Variants in PTPRN2 observed in about 807,000 individuals in gnomAD.
The protein encoded by PTPRN2 is protein tyrosine phosphatase receptor type N2, also known as receptor-type tyrosine-protein phosphatase N2.
Under a neutral mutation model 118.8 loss-of-function variants are expected in PTPRN2, and 74 were observed. The ratio of observed to expected loss-of-function variants is 0.62; its 90% confidence interval spans 0.52 to 0.76. The LOEUF (loss-of-function observed/expected upper bound fraction) is 0.76, where lower values mean the gene tolerates loss of function less well. Ranked by LOEUF, PTPRN2 falls within the 30% of genes least tolerant of loss-of-function variation. The pLI, the probability that PTPRN2 is intolerant of heterozygous loss-of-function variation, is 0.00. For missense variants in PTPRN2, 1,481 were observed against 1,394.4 expected, an observed-to-expected ratio of 1.06 and a Z score of -0.99; for synonymous variants, 641 against 608.0, an observed-to-expected ratio of 1.05 and a Z score of -0.80.
At chr7:158,337,761 C>G (rs1215900481) in intron 2 of PTPRN2, among the ~76,000 whole-genome samples, 1 of 115,764 alleles carries the variant, frequency 8.6e-6, no homozygotes, top group Non-Finnish European at 1.8e-5. Context: ...TAAGAGGTGA[C>G]ACCTGCAAAC....
intron 12 of PTPRN2, among the ~76,000 whole-genome samples, chr7:157,818,767 C>G (rs188256577): frequency 2.6e-5 from 4 of 152,154 alleles, no homozygotes; most frequent in Non-Finnish European, 5.9e-5. Flanking sequence ...AAATGTAAAA[C>G]ATAAATGCTT....
At chr7:157,702,350 G>A (rs1416839652) in intron 12 of PTPRN2, among the ~76,000 whole-genome samples, 1 of 152,192 alleles carries the variant, frequency 6.6e-6, no homozygotes, top group Non-Finnish European at 1.5e-5. Context: ...CGGTGCTGGT[G>A]TAACTATGAG....
chr7:157,765,260 TCATC>T (rs1418671849), intron 12 of PTPRN2, among the ~76,000 whole-genome samples: 1 of 141,364 alleles, frequency 7.1e-6, no homozygotes, highest in Admixed American at 7.1e-5. Context: ...CTGTCATTCA[TCATC>T]CATTCTTCCT....
intron 2 of PTPRN2, among the ~76,000 whole-genome samples, chr7:158,447,549 G>A (rs527624345): frequency 4.9e-4 from 75 of 152,310 alleles, no homozygotes; most frequent in African/African-American, 1.8e-3. Context: ...TGCCCACGCG[G>A]CCCGATAAGG....
Position 157,845,117 on chromosome 7 carries a change from G to A in PTPRN2, c.1788+53556C>T, listed in dbSNP as rs563246263. On this transcript the variant is annotated intron_variant, in intron 12 of 22. Coordinates refer to ENST00000389418, the MANE Select transcript of PTPRN2 (RefSeq NM_002847.5). This position sits in a 1 kb window ranked among gnomAD's most constrained non-coding sequence, Gnocchi z 4.5. ...CACAGGGACGCAGCCCTGACCTCAC[G>A]TTGGTCCACGACGGGCAGAGAGCAA... Among the ~76,000 whole-genome samples the A allele has an allele frequency of 2.6e-5, 4 of 152,296 alleles. No homozygotes were observed. Among genetic ancestry groups the A allele is most frequent in the East Asian group, 1.9e-4 (1 of 5,184 alleles).
chr7:158,135,969 G>A (rs953326080), intron 8 of PTPRN2, among the ~76,000 whole-genome samples: 3 of 152,202 alleles, frequency 2.0e-5, no homozygotes, highest in African/African-American at 7.2e-5. Flanking sequence ...TTCTTAAAGG[G>A]AGAGAAACTA....
intron 9 of PTPRN2, among the ~76,000 whole-genome samples, chr7:158,131,150 A>T (rs1003975413): frequency 8.5e-4 from 16 of 18,868 alleles, no homozygotes; most frequent in Non-Finnish European, 9.7e-4. Flanking sequence ...ATACACACAC[A>T]AATACCCGAA....
chr7:158,296,680 C>A (rs991397937), intron 3 of PTPRN2, among the ~76,000 whole-genome samples: 2 of 152,232 alleles, frequency 1.3e-5, no homozygotes, highest in Non-Finnish European at 2.9e-5. Context: ...TGCTCCCCTG[C>A]AGGTGGGAGC....
intron 4 of PTPRN2, among the ~76,000 whole-genome samples, chr7:158,202,416 G>A (rs1182528925): frequency 6.6e-6 from 1 of 152,128 alleles, no homozygotes; most frequent in African/African-American, 2.4e-5. Flanking sequence ...GTCAGCAGGA[G>A]GGACAGCATG....
chr7:158,510,443 A>ACTCT (rs10581746), intron 1 of PTPRN2, among the ~76,000 whole-genome samples: 26 of 147,534 alleles, frequency 1.8e-4, no homozygotes, highest in African/African-American at 6.0e-4. Context: ...GTGTGTGTTT[A>ACTCT]CTCTCTCTCT....
chr7:157,670,261 C>A (rs1401591706), intron 13 of PTPRN2, among the ~76,000 whole-genome samples: 1 of 152,162 alleles, frequency 6.6e-6, no homozygotes, highest in Admixed American at 6.5e-5. Flanking sequence ...ACGGGACCCG[C>A]GGTCAGCTGC....
At chr7:158,346,615 C>T (rs1393190737) in intron 2 of PTPRN2, among the ~76,000 whole-genome samples, 1 of 152,080 alleles carries the variant, frequency 6.6e-6, no homozygotes, top group East Asian at 1.9e-4. Flanking sequence ...GCTGATTTTA[C>T]TTCCTTTGGA....
chr7:158,165,006 A>G (rs536996473), intron 6 of PTPRN2, among the ~76,000 whole-genome samples: 16 of 152,342 alleles, frequency 1.1e-4, no homozygotes, highest in African/African-American at 3.4e-4. Context: ...GACCTACGAG[A>G]GTGCAGGAGG....
In PTPRN2 at chr7:158,573,367, T is replaced by A. The variant is rs559315123; in HGVS notation, c.112+14191A>T. The stretch of plus-strand genomic sequence containing the variant: ...AAGTCAAACAATTTTCAGAAAAAGA[T>A]TATGTTACTTGTGAAAAGTCATTCG... On this transcript the variant is annotated intron_variant, in intron 1 of 22. Coordinates refer to ENST00000389418, the MANE Select transcript of PTPRN2 (RefSeq NM_002847.5). Among the ~76,000 whole-genome samples, 8 of 152,298 alleles carry A rather than the reference T, an allele frequency of 5.3e-5. No individual in the cohort carries two copies. In the South Asian group the frequency reaches 1.5e-3, roughly 28 times the overall value.
intron 12 of PTPRN2, among the ~76,000 whole-genome samples, chr7:157,815,111 G>A (rs896655056): frequency 2.0e-5 from 3 of 152,340 alleles, no homozygotes; most frequent in Admixed American, 6.5e-5. Flanking sequence ...AGCAGGCTCC[G>A]GCTGCTGGGC....
In PTPRN2 at chr7:158,033,752, T is replaced by G. The variant is rs9638117; in HGVS notation, c.1723+47546A>C. On this transcript the variant is annotated intron_variant, in intron 11 of 22. Transcript: ENST00000389418. ...TGAGACCTCGATAGAAACTCTGCAC[T>G]CTGAGACCCGGGTGCACATCCCTGG... 5.4e-4 allele frequency among the ~76,000 whole-genome samples: 78 copies of G among 144,320 alleles called. No individual in the cohort carries two copies. The East Asian group carries it at 0.014, about 26-fold the overall frequency. 94.7% of individuals were successfully genotyped at this position (144,320 alleles called of 152,430 possible).
At chr7:158,549,639 CT>C (rs1451754286) in intron 1 of PTPRN2, among the ~76,000 whole-genome samples, 2 of 152,246 alleles carry the variant, frequency 1.3e-5, no homozygotes, top group African/African-American at 4.8e-5. Flanking sequence ...CCAGGGCTCG[CT>C]CCAAACGCTG....
At chr7:158,432,114 C>T (rs892955322) in intron 2 of PTPRN2, among the ~76,000 whole-genome samples, 1 of 152,228 alleles carries the variant, frequency 6.6e-6, no homozygotes, top group Non-Finnish European at 1.5e-5. Context: ...CACGGGATGC[C>T]TTGTCCAGGG....
chr7:158,345,916 T>C (rs1327225915), intron 2 of PTPRN2, among the ~76,000 whole-genome samples: 1 of 152,040 alleles, frequency 6.6e-6, no homozygotes, highest in African/African-American at 2.4e-5. Context: ...TCAGCTCTCA[T>C]GAGAACTCCC....
Sources: gnomAD v4.1 joint callset for allele counts (sites outside exome capture counted in the v4.1 genomes callset) on GRCh38, gnomAD v4.1.1 for gene constraint, Gnocchi (gnomAD v3.1) non-coding constraint, MANE v1.5 for transcripts, NCBI Gene and HGNC (gene_info 2026-07-23, HGNC 2026-07-21) for gene names.